Variants in ADORA2B observed in about 807,000 individuals in gnomAD.
ADORA2B encodes the protein adenosine receptor A2b.
ADORA2B carries 18 observed loss-of-function variants against 20.8 expected under a neutral mutation model. That is an observed-to-expected ratio of 0.87 (90% CI 0.60 to 1.29). The LOEUF (loss-of-function observed/expected upper bound fraction) is 1.29. ADORA2B is among the 50% of genes most tolerant of loss of function. The pLI is 0.00. For missense variants in ADORA2B, 441 were observed against 422.7 expected (o/e 1.04, Z -0.38); for synonymous variants, 179 against 178.3 (o/e 1.00, Z -0.03).
the ADORA2B span, among the ~76,000 whole-genome samples, chr17:15,867,365 G>A: frequency 1.3e-5 from 2 of 151,098 alleles, no homozygotes; most frequent in South Asian, 2.1e-4. Context: ...GCCGCCCATC[G>A]TCTGAGATGT....
At chr17:15,942,726 G>A (rs1418133624), upstream of ADORA2B, among the ~76,000 whole-genome samples, 1 of 152,134 alleles carries the variant, frequency 6.6e-6, no homozygotes, top group African/African-American at 2.4e-5. Flanking sequence ...ATATTGCTCT[G>A]ACCATCCCCG....
chr17:15,975,563 G>A lies in ADORA2B; in HGVS notation c.*221G>A. On this transcript the variant is annotated 3_prime_UTR_variant, in exon 2 of 2. Transcript: ENST00000304222. ...TATGATCTATTCAGCTGCTTTTACT[G>A]TGTGGATTATGCCAACAGCTTGAAT... 1 of 557,110 alleles carries A rather than the reference G, an allele frequency of 1.8e-6. No homozygotes were observed. The highest frequency in any genetic ancestry group is 3.2e-6 in the Non-Finnish European group (1 of 316,482). The allele number at this position is 557,110 out of a possible 1,614,324, so 34.5% of individuals were successfully genotyped here.
the ADORA2B span, among the ~76,000 whole-genome samples, chr17:15,926,249 C>T: frequency 7.2e-5 from 11 of 152,078 alleles, no homozygotes; most frequent in Admixed American, 7.2e-4. Context: ...GTGAGACAAA[C>T]GGGGTTGTGC....
At chr17:15,955,216 G>A (rs1199473948) in intron 1 of ADORA2B, among the ~76,000 whole-genome samples, 1 of 151,972 alleles carries the variant, frequency 6.6e-6, no homozygotes, top group East Asian at 1.9e-4. Context: ...AGTACACAGA[G>A]GGCCAACTTT....
At chr17:15,876,714 T>C in the ADORA2B span, among the ~76,000 whole-genome samples, 2 of 152,172 alleles carry the variant, frequency 1.3e-5, no homozygotes, top group Non-Finnish European at 2.9e-5. Flanking sequence ...TCATTTCTGC[T>C]ATCTTTTTTT....
At chr17:15,910,654 C>G in the ADORA2B span, among the ~76,000 whole-genome samples, 4 of 152,250 alleles carry the variant, frequency 2.6e-5, no homozygotes, top group East Asian at 7.7e-4. Context: ...AGCACATCAG[C>G]TATCATTAGT....
chr17:15,970,232 G>A (rs750078238), intron 1 of ADORA2B, among the ~76,000 whole-genome samples: 2 of 152,206 alleles, frequency 1.3e-5, no homozygotes, highest in African/African-American at 2.4e-5. Flanking sequence ...AAAACTCTTC[G>A]AATGAACTAA....
chr17:15,917,894 G>T, the ADORA2B span, among the ~76,000 whole-genome samples: 1 of 152,334 alleles, frequency 6.6e-6, no homozygotes, highest in East Asian at 1.9e-4. Context: ...GAGTGCTCGG[G>T]CTCGGTCCCA....
At chr17:15,940,698 G>C (rs1034409505), upstream of ADORA2B, among the ~76,000 whole-genome samples, 1 of 152,198 alleles carries the variant, frequency 6.6e-6, no homozygotes, top group African/African-American at 2.4e-5. Flanking sequence ...ACATATTTGG[G>C]AAAGGTATGC....
the ADORA2B span, among the ~76,000 whole-genome samples, chr17:15,884,630 C>T: frequency 4.3e-4 from 65 of 152,202 alleles, no homozygotes; most frequent in East Asian, 1.4e-3. Context: ...TCCATGTGTT[C>T]GCATCATTCA....
At chr17:15,919,194 A>G in the ADORA2B span, among the ~76,000 whole-genome samples, 2 of 152,054 alleles carry the variant, frequency 1.3e-5, no homozygotes, top group African/African-American at 4.8e-5. Flanking sequence ...CATGGCACCC[A>G]CTGGAGGTGT....
intron 1 of ADORA2B, among the ~76,000 whole-genome samples, chr17:15,971,234 G>T (rs1970185372): frequency 6.6e-6 from 1 of 152,236 alleles, no homozygotes; most frequent in African/African-American, 2.4e-5. Flanking sequence ...CCTTTGGGAG[G>T]CTTCCTTGTT....
At chr17:15,968,100 TA>T (rs935362131) in intron 1 of ADORA2B, among the ~76,000 whole-genome samples, 10 of 152,264 alleles carry the variant, frequency 6.6e-5, no homozygotes, top group African/African-American at 2.4e-4. Flanking sequence ...CAGAGGAAGA[TA>T]TATTTTTAGT....
At chr17:15,963,460 T>A (rs1352322397) in intron 1 of ADORA2B, among the ~76,000 whole-genome samples, 1 of 152,212 alleles carries the variant, frequency 6.6e-6, no homozygotes, top group East Asian at 1.9e-4. Flanking sequence ...ATGTCACATC[T>A]GAGGCAGTGC....
the ADORA2B span, among the ~76,000 whole-genome samples, chr17:15,857,192 C>T: frequency 6.6e-6 from 1 of 152,202 alleles, no homozygotes; most frequent in Non-Finnish European, 1.5e-5. Context: ...TTGGTGGCTT[C>T]CATGTGGTGT....
At chr17:15,960,784 G>A (rs1970025317) in intron 1 of ADORA2B, among the ~76,000 whole-genome samples, 1 of 151,694 alleles carries the variant, frequency 6.6e-6, no homozygotes, top group African/African-American at 2.4e-5. Flanking sequence ...GCTGAGGCAG[G>A]AGAATGGCGT....
At chr17:15,956,586 G>A (rs1195165114) in intron 1 of ADORA2B, among the ~76,000 whole-genome samples, 2 of 125,590 alleles carry the variant, frequency 1.6e-5, no homozygotes, top group East Asian at 4.9e-4. Context: ...ATGATTATGT[G>A]TGTCTTTTTT....
chr17:15,951,882 C>T (rs563807429), intron 1 of ADORA2B, among the ~76,000 whole-genome samples: 1 of 152,312 alleles, frequency 6.6e-6, no homozygotes, highest in East Asian at 1.9e-4. Context: ...CACCCTGGGC[C>T]CTGCCCTGAG....
the ADORA2B span, among the ~76,000 whole-genome samples, chr17:15,868,792 A>G: frequency 5.1e-3 from 762 of 149,736 alleles, 5 homozygotes; most frequent in African/African-American, 0.018. Flanking sequence ...AAAAAAAAAT[A>G]CAAAAAAACC....
Sources: allele counts gnomAD v4.1 joint callset (sites outside exome capture counted in the v4.1 genomes callset), GRCh38; gene constraint gnomAD v4.1.1; transcripts MANE v1.5; gene names NCBI Gene and HGNC (gene_info 2026-07-23, HGNC 2026-07-21).